Variants in RPSA2 observed in about 807,000 individuals in gnomAD.
RPSA2 encodes the protein ribosomal protein SA 2.
At chr19:23,787,397 A>G in the RPSA2 span, among the ~76,000 whole-genome samples, 1 of 151,846 alleles carries the variant, frequency 6.6e-6, no homozygotes, top group Non-Finnish European at 1.5e-5. Flanking sequence ...GGTCAGGAGT[A>G]CAAGACCAGC....
chr19:23,812,284 T>G, the RPSA2 span, among the ~76,000 whole-genome samples: 1 of 152,066 alleles, frequency 6.6e-6, no homozygotes, highest in Non-Finnish European at 1.5e-5. Context: ...GGGCCATATG[T>G]CTATCACAAT....
the RPSA2 span, among the ~76,000 whole-genome samples, chr19:23,772,948 G>A: frequency 6.6e-6 from 1 of 152,244 alleles, no homozygotes; most frequent in African/African-American, 2.4e-5. Context: ...AGAGTAAATT[G>A]TGACTCTCAT....
the RPSA2 span, chr19:23,817,699 G>C: frequency 6.6e-6 from 1 of 152,182 alleles, no homozygotes; most frequent in Non-Finnish European, 1.5e-5. Context: ...TTTTATACAT[G>C]CATGGGCCAT....
At chr19:23,861,196 A>G in the RPSA2 span, among the ~76,000 whole-genome samples, 1 of 152,198 alleles carries the variant, frequency 6.6e-6, no homozygotes, top group Non-Finnish European at 1.5e-5. Flanking sequence ...TTGATTTTCT[A>G]TGTTATGTAA....
At chr19:23,841,859 T>G in the RPSA2 span, among the ~76,000 whole-genome samples, 1 of 152,182 alleles carries the variant, frequency 6.6e-6, no homozygotes, top group Non-Finnish European at 1.5e-5. Flanking sequence ...ACTTACTGAG[T>G]CAGGCTGAAC....
At chr19:23,761,113 G>A in the RPSA2 span, among the ~76,000 whole-genome samples, 2 of 150,800 alleles carry the variant, frequency 1.3e-5, no homozygotes, top group African/African-American at 4.9e-5. Context: ...TACACATAGA[G>A]GTCTCACTCT....
At chr19:23,864,852 C>T in the RPSA2 span, among the ~76,000 whole-genome samples, 6 of 151,844 alleles carry the variant, frequency 4.0e-5, no homozygotes, top group African/African-American at 1.5e-4. Flanking sequence ...GTCATGCAGG[C>T]CTGCACTAAG....
chr19:23,816,226 C>T, the RPSA2 span, among the ~76,000 whole-genome samples: 2 of 152,082 alleles, frequency 1.3e-5, no homozygotes, highest in East Asian at 1.9e-4. Flanking sequence ...CCTCAACTTA[C>T]AAACTCAGAA....
the RPSA2 span, among the ~76,000 whole-genome samples, chr19:23,830,671 C>T: frequency 6.6e-6 from 1 of 151,708 alleles, no homozygotes; most frequent in Non-Finnish European, 1.5e-5. Context: ...TTCTTGTCCT[C>T]ATTTTTCTGA....
chr19:23,770,172 C>A, the RPSA2 span, among the ~76,000 whole-genome samples: 1 of 7,076 alleles, frequency 1.4e-4, no homozygotes, highest in Non-Finnish European at 4.0e-4. Flanking sequence ...TTGCATGGGC[C>A]CTCCCCATAA....
chr19:23,808,523 C>T, the RPSA2 span, among the ~76,000 whole-genome samples: 1 of 152,006 alleles, frequency 6.6e-6, no homozygotes, highest in African/African-American at 2.4e-5. Flanking sequence ...TCCCAAATTG[C>T]TGAGATTACA....
the RPSA2 span, among the ~76,000 whole-genome samples, chr19:23,762,363 A>G: frequency 6.6e-6 from 1 of 151,874 alleles, no homozygotes; most frequent in African/African-American, 2.4e-5. Flanking sequence ...TCTTTCCCGC[A>G]TTATGAAAAT....
chr19:23,762,746 C>T, the RPSA2 span, among the ~76,000 whole-genome samples: 3 of 151,666 alleles, frequency 2.0e-5, no homozygotes, highest in African/African-American at 7.3e-5. Context: ...TTATACAAGA[C>T]CCAGGTAAGG....
the RPSA2 span, among the ~76,000 whole-genome samples, chr19:23,847,480 G>A: frequency 6.6e-6 from 1 of 152,148 alleles, no homozygotes; most frequent in African/African-American, 2.4e-5. Context: ...ATGCCCACCT[G>A]AGCCACAAAA....
chr19:23,773,362 C>T, the RPSA2 span, among the ~76,000 whole-genome samples: 5 of 151,800 alleles, frequency 3.3e-5, no homozygotes, highest in Non-Finnish European at 1.5e-5. Flanking sequence ...CAGCTCACTG[C>T]AACCTCCACC....
the RPSA2 span, among the ~76,000 whole-genome samples, chr19:23,773,678 C>A: frequency 6.6e-6 from 1 of 152,120 alleles, no homozygotes; most frequent in African/African-American, 2.4e-5. Flanking sequence ...GACTCTCACA[C>A]ATAGAGGTAG....
the RPSA2 span, among the ~76,000 whole-genome samples, chr19:23,785,989 C>T: frequency 2.6e-5 from 4 of 152,184 alleles, no homozygotes; most frequent in Non-Finnish European, 5.9e-5. Flanking sequence ...GCACACCCCA[C>T]CAATTGTTAG....
At chr19:23,832,188 A>C in the RPSA2 span, 8 of 427,186 alleles carry the variant, frequency 1.9e-5, no homozygotes, top group South Asian at 1.3e-4. Flanking sequence ...CCCTAACTAG[A>C]TATAAGAGGA....
At chr19:23,760,232 C>T in the RPSA2 span, among the ~76,000 whole-genome samples, 5 of 152,080 alleles carry the variant, frequency 3.3e-5, no homozygotes, top group African/African-American at 4.8e-5. Flanking sequence ...GGAGGTGAAG[C>T]GAGCCCCCTA....
Sources: allele counts gnomAD v4.1 joint callset (sites outside exome capture counted in the v4.1 genomes callset), GRCh38; gene constraint gnomAD v4.1.1; transcripts MANE v1.5; gene names NCBI Gene and HGNC (gene_info 2026-07-23, HGNC 2026-07-21).